Variants in PIK3CA observed in about 807,000 individuals in gnomAD.
The protein encoded by PIK3CA is phosphatidylinositol-4,5-bisphosphate 3-kinase catalytic subunit alpha, also known as phosphatidylinositol 4,5-bisphosphate 3-kinase catalytic subunit alpha isoform.
A neutral mutation model predicts 138.2 loss-of-function variants in PIK3CA; 27 were observed. That is an observed-to-expected ratio of 0.20 (90% CI 0.14 to 0.27). The LOEUF is 0.27. Ranked by LOEUF, PIK3CA falls within the 10% of genes least tolerant of loss-of-function variation. The pLI is 1.00. For synonymous variants in PIK3CA, 358 were observed against 413.2 expected (o/e 0.87, Z 1.62); for missense variants, 544 against 1,277.4 (o/e 0.43, Z 8.75).
At chr3:179,227,174 TAAGTA>T (rs1345207226) in intron 17 of PIK3CA, among the ~76,000 whole-genome samples, 1 of 151,436 alleles carries the variant, frequency 6.6e-6, no homozygotes, top group African/African-American at 2.4e-5. Flanking sequence ...TTTTTTAACT[TAAGTA>T]AATATAAGTA....
chr3:179,199,820 T>C lies in PIK3CA; in HGVS notation c.483T>C (p.Ser161=), dbSNP rs367754244. The part of the protein sequence containing the change: ...VDLRDLNSPH[S]RAMYVYPPNV... The stretch of plus-strand genomic sequence containing the variant: ...TTAGGGACCTCAATTCACCTCATAG[T>C]AGAGCAATGTATGTCTATCCTCCAA... The change falls in exon 3 of 21, where the codon AGT becomes AGC. Residue 161 remains serine, a synonymous_variant. Coordinates refer to ENST00000263967, the MANE Select transcript of PIK3CA (RefSeq NM_006218.4). The C allele has an allele frequency of 6.2e-6, 10 of 1,612,586 alleles. No individual in the cohort carries two copies. The highest frequency in any genetic ancestry group is 7.6e-6 in the Non-Finnish European group (9 of 1,178,806).
chr3:179,185,213 A>G (rs1723945851), intron 1 of PIK3CA, among the ~76,000 whole-genome samples: 1 of 152,250 alleles, frequency 6.6e-6, no homozygotes. Flanking sequence ...GCCATTTGAT[A>G]AACTTCAGGG....
intron 17 of PIK3CA, among the ~76,000 whole-genome samples, chr3:179,226,732 T>C (rs1725091292): frequency 6.6e-6 from 1 of 152,110 alleles, no homozygotes; most frequent in Admixed American, 6.6e-5. Context: ...ATGCCTCTTA[T>C]AAATTTTAAG....
At chr3:179,148,914 G>GGCC (rs933547746) in intron 1 of PIK3CA, among the ~76,000 whole-genome samples, 1 of 151,836 alleles carries the variant, frequency 6.6e-6, no homozygotes, top group Admixed American at 6.5e-5. Context: ...GTGCGCCCAG[G>GGCC]GCCGCCGCCC....
At chr3:179,210,717 C>A in intron 9 of PIK3CA, 152 bp downstream of exon 9, 1 of 718,134 alleles carries the variant, frequency 1.4e-6, no homozygotes, top group Non-Finnish European at 2.3e-6. Flanking sequence ...TCTCTATATG[C>A]TAATATTTTT....
intron 1 of PIK3CA, among the ~76,000 whole-genome samples, chr3:179,174,435 A>T (rs942955349): frequency 1.3e-5 from 2 of 152,172 alleles, no homozygotes; most frequent in African/African-American, 4.8e-5. Flanking sequence ...GTGCCACTGC[A>T]CTCTCTAGCC....
intron 7 of PIK3CA, among the ~76,000 whole-genome samples, 187 bp downstream of exon 7, chr3:179,209,887 T>G (rs1724663937): frequency 6.6e-6 from 1 of 152,166 alleles, no homozygotes. Context: ...TTATGATGAA[T>G]ATGTTTTGAG....
At chr3:179,213,357 G>C (rs530184941) in intron 9 of PIK3CA, among the ~76,000 whole-genome samples, 4 of 152,290 alleles carry the variant, frequency 2.6e-5, no homozygotes, top group African/African-American at 7.2e-5. Flanking sequence ...TAAAGTGTGT[G>C]ATAGCCTTAC....
intron 1 of PIK3CA, among the ~76,000 whole-genome samples, chr3:179,197,783 T>C (rs1479267640): frequency 6.6e-6 from 1 of 152,206 alleles, no homozygotes; most frequent in African/African-American, 2.4e-5. Flanking sequence ...ACAGTTTCGC[T>C]CACTGAGTAA....
intron 9 of PIK3CA, among the ~76,000 whole-genome samples, chr3:179,215,017 A>C (rs190909329): frequency 2.0e-5 from 3 of 152,310 alleles, no homozygotes; most frequent in Admixed American, 2.0e-4. Flanking sequence ...CAAATATATT[A>C]CTTTTTCTTT....
At chr3:179,200,718 A>G (rs1302413793) in intron 3 of PIK3CA, among the ~76,000 whole-genome samples, 1 of 152,192 alleles carries the variant, frequency 6.6e-6, no homozygotes, top group African/African-American at 2.4e-5. Flanking sequence ...TGAACAACCA[A>G]ACCTCTCTAA....
chr3:179,210,458 G>T lies in PIK3CA; in HGVS notation c.1432G>T (p.Asp478Tyr), dbSNP rs772628045. 26 of 1,613,764 alleles carry T rather than the reference G, an allele frequency of 1.6e-5. No individual in the cohort carries two copies. Among genetic ancestry groups the T allele is most frequent in the Non-Finnish European group, 2.2e-5 (26 of 1,179,906 alleles). Reference protein sequence around the residue: ...KETPCLELEFDWFSSVVKFPD... With the variant: ...KETPCLELEFYWFSSVVKFPD... ...AACTCCATGCTTAGAGTTGGAGTTT[G>T]ACTGGTTCAGCAGTGTGGTAAAGTT... Residue 478 changes from aspartate (D) to tyrosine (Y), a missense_variant, in exon 9 of 21, where the codon GAC (aspartate) becomes TAC (tyrosine). Physicochemically the swap from Asp to Tyr is radical, Grantham distance 160. Coordinates refer to ENST00000263967, the MANE Select transcript of PIK3CA (RefSeq NM_006218.4).
chr3:179,225,856 A>C, intron 16 of PIK3CA, 106 bp from the exon 17 acceptor site: 7 of 587,340 alleles, frequency 1.2e-5, no homozygotes, highest in Non-Finnish European at 2.2e-5. Flanking sequence ...TCTTTTGAAG[A>C]GTAAATATAG....
At chr3:179,165,873 T>G (rs965566650) in intron 1 of PIK3CA, among the ~76,000 whole-genome samples, 5 of 152,156 alleles carry the variant, frequency 3.3e-5, no homozygotes, top group Non-Finnish European at 7.4e-5. Context: ...TTGATCTTGG[T>G]ACACTATCTT....
At chr3:179,210,669 C>A in intron 9 of PIK3CA, 104 bp downstream of exon 9, 1 of 1,075,104 alleles carries the variant, frequency 9.3e-7, no homozygotes, top group Non-Finnish European at 1.4e-6. Flanking sequence ...GGCATAGATA[C>A]TATGAACTCT....
At chr3:179,151,086 G>C (rs1723002959) in intron 1 of PIK3CA, among the ~76,000 whole-genome samples, 2 of 152,324 alleles carry the variant, frequency 1.3e-5, no homozygotes, top group Non-Finnish European at 2.9e-5. Flanking sequence ...TCCAGTGAAA[G>C]TATTTACAAT....
chr3:179,182,327 A>G (rs552773519), intron 1 of PIK3CA, among the ~76,000 whole-genome samples: 1 of 152,314 alleles, frequency 6.6e-6, no homozygotes, highest in South Asian at 2.1e-4. Flanking sequence ...GTTTAACTGC[A>G]TGCCTTGGGT....
intron 1 of PIK3CA, among the ~76,000 whole-genome samples, chr3:179,177,937 A>C (rs572827146): frequency 6.6e-6 from 1 of 152,256 alleles, no homozygotes; most frequent in South Asian, 2.1e-4. Flanking sequence ...TGTGTATCAG[A>C]ATATATAAAG....
chr3:179,195,260 GA>G (rs370744912), intron 1 of PIK3CA, among the ~76,000 whole-genome samples: 15 of 138,734 alleles, frequency 1.1e-4, no homozygotes, highest in East Asian at 4.1e-4. Flanking sequence ...CCTTCTCGGT[GA>G]AAAAAAAAAA....
Sources: gnomAD v4.1 joint callset for allele counts (sites outside exome capture counted in the v4.1 genomes callset) on GRCh38, gnomAD v4.1.1 for gene constraint, MANE v1.5 for transcripts, NCBI Gene and HGNC (gene_info 2026-07-23, HGNC 2026-07-21) for gene names.